Variants in CCDC60 observed in about 807,000 individuals in gnomAD.
The protein encoded by CCDC60 is coiled-coil domain-containing protein 60.
In CCDC60, 54 loss-of-function variants were observed where a neutral mutation model predicts 63.5. The ratio of observed to expected loss-of-function variants is 0.85; its 90% CI spans 0.68 to 1.07. The LOEUF is 1.07. Among genes scored for constraint, CCDC60 ranks in the 50% least tolerant of loss-of-function variants. The pLI is 0.00. For missense variants in CCDC60, 651 were observed against 684.3 expected, an observed-to-expected ratio of 0.95 and a Z score of 0.54; for synonymous variants, 206 against 238.8, an observed-to-expected ratio of 0.86 and a Z score of 1.27.
intron 1 of CCDC60, among the ~76,000 whole-genome samples, chr12:119,380,216 G>A (rs1043151924): frequency 6.6e-6 from 1 of 152,194 alleles, no homozygotes; most frequent in Non-Finnish European, 1.5e-5. Flanking sequence ...AACCACAGTT[G>A]GGTGGGAACA....
intron 6 of CCDC60, among the ~76,000 whole-genome samples, chr12:119,501,367 G>C (rs962254330): frequency 6.6e-6 from 1 of 152,224 alleles, no homozygotes; most frequent in African/African-American, 2.4e-5. Context: ...CCCCAGGTGA[G>C]AGAGGAGGTA....
intron 2 of CCDC60, chr12:119,447,839 G>A (rs1950568486): frequency 6.6e-6 from 1 of 152,332 alleles, no homozygotes; most frequent in South Asian, 2.1e-4. Context: ...CCGGGAGGTG[G>A]AGGTTGCAGT....
chr12:119,392,616 C>T (rs977656272), intron 1 of CCDC60, among the ~76,000 whole-genome samples: 3 of 152,210 alleles, frequency 2.0e-5, no homozygotes, highest in African/African-American at 7.2e-5. Flanking sequence ...CAATACCAAA[C>T]ACCACAGCAT....
In CCDC60 at chr12:119,402,170, T is replaced by C. The variant is rs556974716; in HGVS notation, c.91-26513T>C. ...TTGTGTTGATTCTCCATCACAAGCC[T>C]ATGAAGTAGGCTTTGTGATTATTCT... On this transcript the variant is annotated intron_variant, in intron 1 of 13. Transcript: ENST00000327554. The C allele has an allele frequency of 3.3e-5, 5 of 152,288 alleles. No individual in the cohort carries two copies. The South Asian group carries it at 8.3e-4, about 25-fold the overall frequency. The allele number at this position is 152,288 out of a possible 1,614,324, so 9.4% of individuals were successfully genotyped here.
intron 2 of CCDC60, among the ~76,000 whole-genome samples, chr12:119,464,621 A>G (rs1276742544): frequency 1.3e-5 from 2 of 152,158 alleles, no homozygotes; most frequent in Non-Finnish European, 2.9e-5. Context: ...GACACACCTC[A>G]TTGTACTCCG....
At chr12:119,354,856 T>C (rs924564786) in intron 1 of CCDC60, among the ~76,000 whole-genome samples, 1 of 152,128 alleles carries the variant, frequency 6.6e-6, no homozygotes, top group Non-Finnish European at 1.5e-5. Context: ...AGAAATCTCT[T>C]CTTGGGTTAA....
chr12:119,489,409 A>G (rs1951532363), intron 5 of CCDC60, among the ~76,000 whole-genome samples: 2 of 152,016 alleles, frequency 1.3e-5, no homozygotes, highest in Admixed American at 1.3e-4. Context: ...ACCCAAGGGA[A>G]TATTTGGTAT....
At position 119,410,270 on chromosome 12, in the gene CCDC60, C is replaced by A. The variant is rs939953053; in HGVS notation, c.91-18413C>A. Among the ~76,000 whole-genome samples the A allele has an allele frequency of 2.0e-5, 3 of 151,572 alleles. No individual in the cohort carries two copies. The highest frequency in any genetic ancestry group is 7.3e-5 in the African/African-American group (3 of 41,228). The stretch of plus-strand genomic sequence containing the variant: ...TACACAAGAACTTGATAACACTATT[C>A]ATTTCCAGGGAGGGAAATGAATGGT... On this transcript the variant is annotated intron_variant, in intron 1 of 13. Coordinates refer to ENST00000327554, the MANE Select transcript of CCDC60 (RefSeq NM_178499.5). The surrounding 1 kb of genome is among the most constrained non-coding windows in gnomAD (Gnocchi z 4.0).
At chr12:119,461,580 C>T (rs1300080300) in intron 2 of CCDC60, among the ~76,000 whole-genome samples, 1 of 152,170 alleles carries the variant, frequency 6.6e-6, no homozygotes, top group African/African-American at 2.4e-5. Context: ...TAATAACAAC[C>T]CACCCTCTCC....
At position 119,377,770 on chromosome 12, in the gene CCDC60, G is replaced by A. The variant is rs190906803; in HGVS notation, c.90+42504G>A. On this transcript the variant is annotated intron_variant, in intron 1 of 13. Transcript: ENST00000327554. ...ATTTTTTTCTACACCAAATTTAACC[G>A]CTGTGTGAACACAGGCTCTTAAACC... Among the ~76,000 whole-genome samples, 9 of 151,812 alleles carry A rather than the reference G, an allele frequency of 5.9e-5. No homozygotes were observed. In the East Asian group the frequency reaches 1.2e-3, roughly 20 times the overall value.
chr12:119,436,410 G>A (rs1272896018), intron 2 of CCDC60, among the ~76,000 whole-genome samples: 1 of 152,066 alleles, frequency 6.6e-6, no homozygotes, highest in African/African-American at 2.4e-5. Context: ...GGAGCCAGAG[G>A]TTCCAGGGAA....
intron 2 of CCDC60, among the ~76,000 whole-genome samples, chr12:119,443,852 C>T (rs1423787428): frequency 1.3e-5 from 2 of 152,144 alleles, no homozygotes; most frequent in East Asian, 3.8e-4. Flanking sequence ...GTCTCACTGC[C>T]CTCATCTATG....
chr12:119,521,447 G>C (rs1172347765), intron 9 of CCDC60, among the ~76,000 whole-genome samples: 1 of 152,118 alleles, frequency 6.6e-6, no homozygotes, highest in Non-Finnish European at 1.5e-5. Context: ...GGGGTGTTGG[G>C]TGCTAACCAA....
rs1195663443 is a variant in CCDC60 at position 119,456,686 on chromosome 12, T to C, written c.171-15308T>C. On this transcript the variant is annotated intron_variant, in intron 2 of 13. Coordinates refer to ENST00000327554, the MANE Select transcript of CCDC60 (RefSeq NM_178499.5). This position sits in a 1 kb window ranked among gnomAD's most constrained non-coding sequence, Gnocchi z 4.6. ...TTTTTATGGTTATTTCCTGATGATA[T>C]GCTAAACAAGGGGTGGATTATTGAT... is the stretch of plus-strand genomic sequence containing the variant. Among the ~76,000 whole-genome samples the C allele has an allele frequency of 6.6e-6, 1 of 152,230 alleles. No individual in the cohort carries two copies. Among genetic ancestry groups the C allele is most frequent in the Non-Finnish European group, 1.5e-5 (1 of 68,038 alleles).
chr12:119,508,705 G>A (rs979528839), intron 7 of CCDC60, among the ~76,000 whole-genome samples: 4 of 152,214 alleles, frequency 2.6e-5, no homozygotes, highest in African/African-American at 9.7e-5. Flanking sequence ...CCTTTGTGGA[G>A]CAAGTAAGAC....
intron 2 of CCDC60, among the ~76,000 whole-genome samples, chr12:119,432,430 C>T (rs1950247431): frequency 6.6e-6 from 1 of 152,200 alleles, no homozygotes; most frequent in Non-Finnish European, 1.5e-5. Flanking sequence ...GGGCATCAAT[C>T]AGTCATAACA....
At chr12:119,414,987 C>T (rs1956674349) in intron 1 of CCDC60, among the ~76,000 whole-genome samples, 1 of 152,240 alleles carries the variant, frequency 6.6e-6, no homozygotes, top group Non-Finnish European at 1.5e-5. Flanking sequence ...TAATAACCAT[C>T]TCATTGGTTT....
intron 1 of CCDC60, among the ~76,000 whole-genome samples, chr12:119,370,191 A>G (rs1955883448): frequency 6.6e-6 from 1 of 152,212 alleles, no homozygotes; most frequent in Non-Finnish European, 1.5e-5. Context: ...ATCCATTTTA[A>G]AGTTCCATTT....
chr12:119,421,277 T>C (rs1202725474), intron 1 of CCDC60, among the ~76,000 whole-genome samples: 7 of 152,228 alleles, frequency 4.6e-5, no homozygotes, highest in Non-Finnish European at 1.0e-4. Flanking sequence ...TTTTCTGCCA[T>C]ATTAAATTCT....
Sources: allele counts gnomAD v4.1 joint callset (sites outside exome capture counted in the v4.1 genomes callset), GRCh38; gene constraint gnomAD v4.1.1; non-coding constraint Gnocchi (gnomAD v3.1); transcripts MANE v1.5; gene names NCBI Gene and HGNC (gene_info 2026-07-23, HGNC 2026-07-21).